Variants in FBXO11 observed in about 807,000 individuals in gnomAD.
The protein encoded by FBXO11 is F-box only protein 11.
A neutral mutation model predicts 117.0 loss-of-function variants in FBXO11; 13 were observed. The ratio of observed to expected loss-of-function variants is 0.11; its 90% CI spans 0.07 to 0.18. The LOEUF (loss-of-function observed/expected upper bound fraction) is 0.18, where lower values mean the gene tolerates loss of function less well. Ranked by LOEUF, FBXO11 falls within the 10% of genes least tolerant of loss-of-function variation. The pLI, the probability that FBXO11 is intolerant of heterozygous loss-of-function variation, is 1.00. For synonymous variants in FBXO11, 490 were observed against 380.5 expected, an observed-to-expected ratio of 1.29 and a Z score of -3.35; for missense variants, 767 against 1,164.4, an observed-to-expected ratio of 0.66 and a Z score of 4.97.
intron 1 of FBXO11, among the ~76,000 whole-genome samples, chr2:47,851,227 C>T (rs1479255578): frequency 6.6e-6 from 1 of 152,020 alleles, no homozygotes; most frequent in South Asian, 2.1e-4. Flanking sequence ...TTAATTTTTT[C>T]TTTTCTTTTC....
chr2:47,826,788 C>CA lies in FBXO11; in HGVS notation c.1399-3429dup, dbSNP rs757598906. Among the ~76,000 whole-genome samples the CA allele has an allele frequency of 3.0e-4, 46 of 152,218 alleles. 5 individuals are homozygous for CA. Among genetic ancestry groups the CA allele is most frequent in the East Asian group, 2.9e-3 (15 of 5,178 alleles). ...CTTCTTTTTATTTATTTTTTTGACA[C>CA]AGAGTCTCACTCTGTTGCCCAGGAT... On this transcript the variant is annotated intron_variant, in intron 11 of 22. Transcript: ENST00000403359.
chr2:47,888,672 G>C, intron 1 of FBXO11: 1 of 983,096 alleles, frequency 1.0e-6, no homozygotes, highest in Non-Finnish European at 1.2e-6. Flanking sequence ...TTTCCTGTTA[G>C]ACAGTTTTTC....
intron 1 of FBXO11, among the ~76,000 whole-genome samples, chr2:47,885,704 G>C (rs1460718959): frequency 6.6e-6 from 1 of 152,170 alleles, no homozygotes; most frequent in Non-Finnish European, 1.5e-5. Flanking sequence ...AAGCCTTGAA[G>C]AGAGTGCCTA....
chr2:47,830,949 C>T (rs758071893), intron 11 of FBXO11, among the ~76,000 whole-genome samples: 1 of 152,066 alleles, frequency 6.6e-6, no homozygotes, highest in Non-Finnish European at 1.5e-5. Context: ...CAGGTGTGAG[C>T]CACCATGCCC....
intron 11 of FBXO11, among the ~76,000 whole-genome samples, chr2:47,825,702 A>C (rs1192001296): frequency 6.6e-6 from 1 of 151,086 alleles, no homozygotes; most frequent in African/African-American, 2.4e-5. Flanking sequence ...TCAACCTCCC[A>C]AGTAGCTGAG....
At chr2:47,896,195 G>A (rs551572292) in intron 1 of FBXO11, among the ~76,000 whole-genome samples, 1 of 152,032 alleles carries the variant, frequency 6.6e-6, no homozygotes, top group African/African-American at 2.4e-5. Flanking sequence ...GTCAGAAAAA[G>A]ATCAGGAAAA....
chr2:47,895,967 T>A (rs1677632404), intron 1 of FBXO11, among the ~76,000 whole-genome samples: 1 of 152,228 alleles, frequency 6.6e-6, no homozygotes, highest in Non-Finnish European at 1.5e-5. Flanking sequence ...AGTGCTGGGA[T>A]TGCAGGCATG....
Position 47,832,815 on chromosome 2 carries a change from A to G in FBXO11, c.1107T>C (p.Asn369=), listed in dbSNP as rs752675085. Residue 369 remains asparagine, a synonymous_variant, in exon 9 of 23, where the codon AAT becomes AAC. Coordinates refer to ENST00000403359, the MANE Select transcript of FBXO11 (RefSeq NM_001190274.2). Reference sequence around the variant, plus strand: ...TACAGTGATCAATAATAGGGCTACAATTTACTGTAATCTCTAAGCAGTGGT... The same window carrying G: ...TACAGTGATCAATAATAGGGCTACAGTTTACTGTAATCTCTAAGCAGTGGT... ...NAHHCLEITV[N]CSPIIDHCII... is the part of the protein sequence containing the mutation. 1 of 1,614,030 alleles carries G rather than the reference A, an allele frequency of 6.2e-7. No homozygotes were observed. Among genetic ancestry groups the G allele is most frequent in the South Asian group, 1.1e-5 (1 of 91,076 alleles).
At chr2:47,850,253 G>A (rs77810882) in intron 1 of FBXO11, among the ~76,000 whole-genome samples, 1 of 152,152 alleles carries the variant, frequency 6.6e-6, no homozygotes, top group African/African-American at 2.4e-5. Context: ...AGTGACTTTG[G>A]AGATTGAAGG....
At chr2:47,863,068 A>C (rs1313391545) in intron 1 of FBXO11, among the ~76,000 whole-genome samples, 8 of 131,206 alleles carry the variant, frequency 6.1e-5, no homozygotes, top group South Asian at 2.1e-4. Flanking sequence ...AAAAAAAAAA[A>C]AAACAAAAAA....
At chr2:47,899,125 T>C (rs1677902979) in intron 1 of FBXO11, among the ~76,000 whole-genome samples, 2 of 151,784 alleles carry the variant, frequency 1.3e-5, no homozygotes, top group Non-Finnish European at 2.9e-5. Context: ...ATACAAAAAA[T>C]TAGCCGGGCG....
chr2:47,844,125 C>G (rs986250501), intron 1 of FBXO11, among the ~76,000 whole-genome samples: 4 of 152,100 alleles, frequency 2.6e-5, no homozygotes, highest in Non-Finnish European at 5.9e-5. Flanking sequence ...GTAATTTAAC[C>G]CATCTACTGC....
Position 47,905,784 on chromosome 2 carries a change from G to A in FBXO11, c.-64C>T, listed in dbSNP as rs983377765. ...CACACGCACACGCACAGCGAGCTTC[G>A]GGGCAGGAGAAAGGGGTGGGGAGAG... On this transcript the variant is annotated 5_prime_UTR_variant, in exon 1 of 23. Transcript: ENST00000403359. 4.0e-6 allele frequency: 6 copies of A among 1,481,836 alleles called. No homozygotes were observed. The South Asian group carries it at 4.9e-5, about 12-fold the overall frequency. The allele number at this position is 1,481,836 out of a possible 1,614,324, so 91.8% of individuals were successfully genotyped here.
intron 1 of FBXO11, among the ~76,000 whole-genome samples, chr2:47,862,346 C>A (rs1443833819): frequency 2.6e-5 from 4 of 152,102 alleles, no homozygotes; most frequent in Admixed American, 6.5e-5. Flanking sequence ...GGGACTAGAG[C>A]AGTAATAGCC....
intron 1 of FBXO11, among the ~76,000 whole-genome samples, chr2:47,870,180 G>C (rs149909963): frequency 5.1e-4 from 78 of 152,268 alleles, no homozygotes; most frequent in African/African-American, 1.8e-3. Context: ...ATAGCCTATT[G>C]AGTTCTGCTT....
At chr2:47,883,192 T>C (rs553707592) in intron 1 of FBXO11, among the ~76,000 whole-genome samples, 30 of 152,348 alleles carry the variant, frequency 2.0e-4, no homozygotes, top group African/African-American at 7.2e-4. Context: ...TTTGCTGCCA[T>C]ATCAGCTTCT....
intron 19 of FBXO11, 43 bp from the exon 20 acceptor site, chr2:47,809,750 TGC>T: frequency 3.0e-6 from 4 of 1,334,184 alleles, no homozygotes; most frequent in Non-Finnish European, 4.3e-6. Context: ...CACTTTATAC[TGC>T]TTCTTAAAAA....
chr2:47,889,508 G>C (rs1447488766), intron 1 of FBXO11, among the ~76,000 whole-genome samples: 2 of 152,150 alleles, frequency 1.3e-5, no homozygotes, highest in African/African-American at 2.4e-5. Flanking sequence ...TCAAGTGAGT[G>C]TGAGATGAGT....
intron 1 of FBXO11, among the ~76,000 whole-genome samples, chr2:47,899,588 G>A (rs1281405050): frequency 6.6e-6 from 1 of 152,112 alleles, no homozygotes; most frequent in African/African-American, 2.4e-5. Context: ...GTGTAGTCAG[G>A]ATTAGAACCC....
Sources: gnomAD v4.1 joint callset for allele counts (sites outside exome capture counted in the v4.1 genomes callset) on GRCh38, gnomAD v4.1.1 for gene constraint, MANE v1.5 for transcripts, NCBI Gene and HGNC (gene_info 2026-07-23, HGNC 2026-07-21) for gene names.